CADM3: variants seen among roughly 807,000 people sequenced by gnomAD.
The protein encoded by CADM3 is cell adhesion molecule 3.
A neutral mutation model predicts 44.9 loss-of-function variants in CADM3; 11 were observed. The ratio of observed to expected loss-of-function variants is 0.25; its 90% CI spans 0.15 to 0.41. CADM3 has a LOEUF of 0.41. Among genes scored for constraint, CADM3 ranks in the 10% least tolerant of loss-of-function variants. The pLI is 1.00. For synonymous variants in CADM3, 207 were observed against 205.2 expected, an observed-to-expected ratio of 1.01 and a Z score of -0.08; for missense variants, 426 against 512.0, an observed-to-expected ratio of 0.83 and a Z score of 1.62.
At position 159,172,189 on chromosome 1, in the gene CADM3, C is replaced by G. The variant is rs1437687465; in HGVS notation, c.88+336C>G. On this transcript the variant is annotated intron_variant, in intron 1 of 8. Coordinates refer to ENST00000368125, the MANE Select transcript of CADM3 (RefSeq NM_001127173.3). Reference sequence around the variant, plus strand: ...GCGTCTGTGTTGGTGTCTGGCTCTGCGTTTCTGTGTCAGTATCTGTGTGTA... The same window carrying G: ...GCGTCTGTGTTGGTGTCTGGCTCTGGGTTTCTGTGTCAGTATCTGTGTGTA... Among the ~76,000 whole-genome samples, 4 of 151,928 alleles carry G rather than the reference C, an allele frequency of 2.6e-5. No homozygotes were observed. The East Asian group carries it at 7.8e-4, about 29-fold the overall frequency.
At chr1:159,178,388 T>C (rs1397406189) in intron 1 of CADM3, 1 of 152,120 alleles carries the variant, frequency 6.6e-6, no homozygotes, top group Non-Finnish European at 1.5e-5. Context: ...CCCTCAACCT[T>C]AGCAAAGACA....
chr1:159,178,336 A>G (rs953517923), intron 1 of CADM3: 18 of 152,292 alleles, frequency 1.2e-4, no homozygotes, highest in African/African-American at 4.3e-4. Flanking sequence ...GAGCATGACA[A>G]CCAACTCTAA....
At chr1:159,188,603 A>T (rs1649516252) in intron 1 of CADM3, among the ~76,000 whole-genome samples, 1 of 152,148 alleles carries the variant, frequency 6.6e-6, no homozygotes, top group South Asian at 2.1e-4. Flanking sequence ...GGCTCTGCTC[A>T]GCAGCGGATG....
intron 1 of CADM3, chr1:159,178,620 A>C (rs916782804): frequency 3.3e-5 from 5 of 152,224 alleles, no homozygotes; most frequent in Admixed American, 1.3e-4. Context: ...CTTGTACAAA[A>C]CTAAATGGCT....
intron 7 of CADM3, among the ~76,000 whole-genome samples, chr1:159,198,497 C>A (rs1571026974): frequency 1.3e-5 from 2 of 152,250 alleles, no homozygotes; most frequent in East Asian, 1.9e-4. Flanking sequence ...CCCTTCCTCC[C>A]AAGCAGGGCA....
At chr1:159,181,193 C>A (rs1467422862) in intron 1 of CADM3, among the ~76,000 whole-genome samples, 2 of 152,070 alleles carry the variant, frequency 1.3e-5, no homozygotes, top group African/African-American at 4.8e-5. Flanking sequence ...GAACTTTTTC[C>A]CCCCAGTTTT....
In CADM3 at chr1:159,186,735, T is replaced by A. The variant is rs181050882; in HGVS notation, c.89-5201T>A. On this transcript the variant is annotated intron_variant, in intron 1 of 8. Coordinates refer to ENST00000368125, the MANE Select transcript of CADM3 (RefSeq NM_001127173.3). ...AAAATGACAGGATAACTTTCAAGCG[T>A]ATTAAGAGACAGTTCTCAAGAGAAG... 1.1e-4 allele frequency among the ~76,000 whole-genome samples: 17 copies of A among 152,204 alleles called. No homozygotes were observed. In the East Asian group the frequency reaches 3.1e-3, roughly 28 times the overall value.
chr1:159,191,402 T>C (rs1295142784), intron 1 of CADM3, among the ~76,000 whole-genome samples: 16 of 152,222 alleles, frequency 1.1e-4, no homozygotes, highest in Non-Finnish European at 1.5e-5. Flanking sequence ...ATTTTGTTTG[T>C]TTTGCAGTTT....
intron 1 of CADM3, among the ~76,000 whole-genome samples, chr1:159,178,861 T>C (rs1009130275): frequency 2.6e-5 from 4 of 152,202 alleles, no homozygotes; most frequent in Admixed American, 2.6e-4. Context: ...GATTTTCCCA[T>C]GTCAATTTAT....
In CADM3 at chr1:159,193,239, C is replaced by T. The variant is rs374166625; in HGVS notation, c.383-184C>T. The stretch of plus-strand genomic sequence containing the variant: ...TGCTCCTCACTGCCATGCTGTCTCC[C>T]GCAGGCCTTCCTTTCTGGTCCTCAG... On this transcript the variant is annotated intron_variant, in intron 3 of 8. Transcript: ENST00000368125. Among the ~76,000 whole-genome samples, 15 of 152,284 alleles carry T rather than the reference C, an allele frequency of 9.9e-5. No homozygotes were observed. The East Asian group carries it at 2.5e-3, about 25-fold the overall frequency.
At chr1:159,188,149 TGGAG>T (rs1649492809) in intron 1 of CADM3, among the ~76,000 whole-genome samples, 1 of 151,952 alleles carries the variant, frequency 6.6e-6, no homozygotes, top group Non-Finnish European at 1.5e-5. Context: ...GGTGCCTCCA[TGGAG>T]GCCAGGGAAC....
chr1:159,196,114 A>T, intron 5 of CADM3: 1 of 441,316 alleles, frequency 2.3e-6, no homozygotes, highest in Non-Finnish European at 4.1e-6. Flanking sequence ...GCTTTCTGTT[A>T]AGACATCTCT....
intron 8 of CADM3, 99 bp from the exon 9 acceptor site, chr1:159,200,705 A>T: frequency 2.5e-6 from 2 of 791,216 alleles, no homozygotes; most frequent in Non-Finnish European, 2.0e-6. Context: ...GAGAAAAATT[A>T]CTTGAGCAGT....
At chr1:159,200,508 A>T (rs1650125688) in intron 8 of CADM3, among the ~76,000 whole-genome samples, 2 of 130,432 alleles carry the variant, frequency 1.5e-5, no homozygotes, top group South Asian at 2.6e-4. Flanking sequence ...ACACACACGC[A>T]TGCGTGCAAG....
intron 6 of CADM3, 172 bp from the exon 7 acceptor site, chr1:159,196,719 A>G: frequency 1.5e-6 from 1 of 678,616 alleles, no homozygotes; most frequent in Non-Finnish European, 2.5e-6. Context: ...CTTCCCCAGA[A>G]CGAACCCCAA....
At chr1:159,192,843 AGT>A in intron 3 of CADM3, 113 bp downstream of exon 3, 1 of 1,103,920 alleles carries the variant, frequency 9.1e-7, no homozygotes, top group Non-Finnish European at 1.3e-6. Context: ...ACTTTAGGAA[AGT>A]TCAGCCTGTG....
chr1:159,187,160 G>T (rs1294591814), intron 1 of CADM3, among the ~76,000 whole-genome samples: 1 of 152,218 alleles, frequency 6.6e-6, no homozygotes, highest in African/African-American at 2.4e-5. Context: ...CATGCTGTTG[G>T]ACAGAATACA....
chr1:159,183,371 T>C (rs1452515371), intron 1 of CADM3, among the ~76,000 whole-genome samples: 1 of 152,090 alleles, frequency 6.6e-6, no homozygotes, highest in Non-Finnish European at 1.5e-5. Flanking sequence ...GACAGAGTAG[T>C]TTATCAAGAG....
chr1:159,174,312 C>G (rs1035841059), intron 1 of CADM3, among the ~76,000 whole-genome samples: 1 of 152,178 alleles, frequency 6.6e-6, no homozygotes. Context: ...TTAATGCTCA[C>G]GGACAGTAAT....
Sources: allele counts gnomAD v4.1 joint callset (sites outside exome capture counted in the v4.1 genomes callset), GRCh38; gene constraint gnomAD v4.1.1; transcripts MANE v1.5; gene names NCBI Gene and HGNC (gene_info 2026-07-23, HGNC 2026-07-21).